Variants in ABCA3 observed in about 807,000 individuals in gnomAD.
ABCA3 encodes ATP binding cassette subfamily A member 3, also known as phospholipid-transporting ATPase ABCA3.
A neutral mutation model predicts 172.8 loss-of-function variants in ABCA3; 88 were observed. That is an observed-to-expected ratio of 0.51 (90% CI 0.43 to 0.61). The LOEUF is 0.61. Among genes scored for constraint, ABCA3 ranks in the 20% least tolerant of loss-of-function variants. The probability of loss-of-function intolerance (pLI) is 0.00; values close to 1 mark genes in which losing one functional copy is unlikely to be tolerated. For synonymous variants in ABCA3, 1,066 were observed against 983.8 expected (o/e 1.08, Z -1.56); for missense variants, 2,164 against 2,301.0 (o/e 0.94, Z 1.22).
intron 18 of ABCA3, among the ~76,000 whole-genome samples, chr16:2,293,836 G>A (rs2093675823): frequency 6.6e-6 from 1 of 151,918 alleles, no homozygotes; most frequent in Admixed American, 6.6e-5. Context: ...ACCGTGCCTG[G>A]CCATGTGGCT....
chr16:2,318,350 T>C (rs2093719992), intron 8 of ABCA3, among the ~76,000 whole-genome samples: 2 of 152,092 alleles, frequency 1.3e-5, no homozygotes, highest in Non-Finnish European at 2.9e-5. Context: ...GGCGTGGTGA[T>C]GAGGAAACCC....
In ABCA3 at chr16:2,297,324, C is replaced by A; in HGVS notation, c.2263+5G>T. On this transcript the variant is annotated splice_donor_5th_base_variant and intron_variant, in intron 17 of 32. Coordinates refer to ENST00000301732, the MANE Select transcript of ABCA3 (RefSeq NM_001089.3). This position sits in a 1 kb window ranked among gnomAD's most constrained non-coding sequence, Gnocchi z 5.6. The stretch of plus-strand genomic sequence containing the variant: ...ACCCTGTCGCGGGCTGGCCCCACCG[C>A]TCACCGTATTTCTGCTTGAGGAACA... 6.2e-7 allele frequency: 1 copy of A among 1,609,998 alleles called. No individual in the cohort carries two copies. Among genetic ancestry groups the A allele is most frequent in the Non-Finnish European group, 8.5e-7 (1 of 1,179,946 alleles).
Position 2,277,588 on chromosome 16 carries a change from C to T in ABCA3, c.4983+9G>A. On this transcript the variant is annotated intron_variant, in intron 32 of 32. Transcript: ENST00000301732. The surrounding 1 kb of genome is among the most constrained non-coding windows in gnomAD (Gnocchi z 5.3). ...TGAGTGCCCAGTGGGGCCCCAGGGA[C>T]TGCCTCACCTTCGCCCAGCTGAGGT... is the stretch of plus-strand genomic sequence containing the variant. 6.2e-7 allele frequency: 1 copy of T among 1,612,952 alleles called. No homozygotes were observed. The highest frequency in any genetic ancestry group is 1.3e-5 in the African/African-American group (1 of 75,076).
rs750570163 is a variant in ABCA3, at chr16:2,288,075, A to G, written c.2955T>C (p.His985=). The change falls in exon 21 of 33, where the codon CAT becomes CAC. Residue 985 remains histidine, a synonymous_variant. Transcript: ENST00000301732. ...TSQLGQQLSE[H]LKDALQAEGQ... ...CCTCAGCCTGCAGTGCGTCTTTCAG[A>G]TGCTCTGACAGCTGCTGACCCAGCT... The G allele has an allele frequency of 6.2e-7, 1 of 1,613,042 alleles. No homozygotes were observed. Among genetic ancestry groups the G allele is most frequent in the Non-Finnish European group, 8.5e-7 (1 of 1,179,996 alleles).
chr16:2,309,406 G>A (rs1255680638), intron 10 of ABCA3, among the ~76,000 whole-genome samples: 2 of 152,224 alleles, frequency 1.3e-5, no homozygotes, highest in African/African-American at 4.8e-5. Context: ...GAATATAGCG[G>A]GGAGACAGAG....
intron 1 of ABCA3, among the ~76,000 whole-genome samples, chr16:2,330,692 C>G (rs1323421770): frequency 8.1e-6 from 1 of 123,770 alleles, no homozygotes; most frequent in Non-Finnish European, 1.6e-5. Context: ...TCTGGCAACA[C>G]CACCCTTTTT....
At chr16:2,316,674 C>T (rs1035576217) in intron 10 of ABCA3, among the ~76,000 whole-genome samples, 16 of 148,964 alleles carry the variant, frequency 1.1e-4, no homozygotes, top group Non-Finnish European at 2.2e-4. Flanking sequence ...CAAGACTGCT[C>T]GAAAAAAAAA....
At chr16:2,280,936 T>G in intron 28 of ABCA3, 91 bp downstream of exon 28, 3 of 1,530,852 alleles carry the variant, frequency 2.0e-6, no homozygotes, top group Middle Eastern at 1.7e-4. Flanking sequence ...CAGCAGCTGT[T>G]TGGGGACAGC....
At chr16:2,301,111 G>A (rs1360940344) in intron 12 of ABCA3, among the ~76,000 whole-genome samples, 1 of 151,440 alleles carries the variant, frequency 6.6e-6, no homozygotes, top group Non-Finnish European at 1.5e-5. Context: ...GGCGCCTATA[G>A]TCCCAGCTAC....
At chr16:2,305,560 G>A (rs1466825572) in intron 11 of ABCA3, among the ~76,000 whole-genome samples, 3 of 152,156 alleles carry the variant, frequency 2.0e-5, no homozygotes, top group African/African-American at 4.8e-5. Context: ...CTCCCAAAGT[G>A]CTGAGATTAC....
At chr16:2,308,650 C>G in intron 10 of ABCA3, 27 bp from the exon 11 acceptor site, 1 of 1,612,670 alleles carries the variant, frequency 6.2e-7, no homozygotes, top group Non-Finnish European at 8.5e-7. Context: ...ACCCGGGGGG[C>G]GTGAGCGTCA....
intron 11 of ABCA3, among the ~76,000 whole-genome samples, chr16:2,305,584 C>T (rs1046059884): frequency 2.0e-5 from 3 of 152,166 alleles, no homozygotes; most frequent in Admixed American, 1.3e-4. Flanking sequence ...CGTGAGCCAC[C>T]GCGCCCCGCC....
At chr16:2,318,968 T>C (rs75409156) in intron 8 of ABCA3, among the ~76,000 whole-genome samples, 1 of 151,480 alleles carries the variant, frequency 6.6e-6, no homozygotes, top group East Asian at 1.9e-4. Flanking sequence ...TTTTTTTTTT[T>C]CAGGATCATT....
Position 2,326,186 on chromosome 16 carries a change from G to C in ABCA3, c.143C>G (p.Ser48Trp), listed in dbSNP as rs763721411. ...GATGGTGGCGTTGGGCACATTTTCC[G>C]ACTGAATCTTCAAGCGGAGCCAGAT... is the stretch of plus-strand genomic sequence containing the variant. Reference protein sequence around the residue: ...ILIWLRLKIQSENVPNATIYP... With the variant: ...ILIWLRLKIQWENVPNATIYP... The change falls in exon 5 of 33, where the codon TCG (serine) becomes TGG (tryptophan). Residue 48 changes from serine (S) to tryptophan (W), a missense_variant. By Grantham distance (177) the Ser-to-Trp change is radical. This residue lies in a region of ABCA3 where 1,343 missense variants were observed against 1,369.6 expected (regional missense o/e 0.98). Transcript: ENST00000301732. 6.2e-7 allele frequency: 1 copy of C among 1,614,134 alleles called. No homozygotes were observed. Among genetic ancestry groups the C allele is most frequent in the South Asian group, 1.1e-5 (1 of 91,074 alleles).
At chr16:2,292,452 T>C (rs2093673524) in intron 18 of ABCA3, among the ~76,000 whole-genome samples, 3 of 151,572 alleles carry the variant, frequency 2.0e-5, no homozygotes, top group Admixed American at 2.0e-4. Context: ...CATAAAAAAT[T>C]AGCCACGTGT....
chr16:2,317,141 A>G, intron 10 of ABCA3, 142 bp downstream of exon 10: 1 of 1,274,100 alleles, frequency 7.8e-7, no homozygotes, highest in Non-Finnish European at 1.1e-6. Context: ...TCCTCCTTCC[A>G]GTCCAACCTT....
rs1315758702 is a variant in ABCA3 at position 2,286,442 on chromosome 16, G to A, written c.3278+252C>T. Among the ~76,000 whole-genome samples, 1 of 152,230 alleles carries A rather than the reference G, an allele frequency of 6.6e-6. No homozygotes were observed. The highest frequency in any genetic ancestry group is 2.4e-5 in the African/African-American group (1 of 41,454). ...GAGCCAGGTAGATTTAGGAGGAGAA[G>A]GCAGGGCTGCCTGCCGAGCCTTCAT... On this transcript the variant is annotated intron_variant, in intron 22 of 32. Coordinates refer to ENST00000301732, the MANE Select transcript of ABCA3 (RefSeq NM_001089.3). This position sits in a 1 kb window ranked among gnomAD's most constrained non-coding sequence, Gnocchi z 5.2.
At position 2,284,507 on chromosome 16, in the gene ABCA3, CA is replaced by C; in HGVS notation, c.3704-71del. On this transcript the variant is annotated intron_variant, in intron 24 of 32. Transcript: ENST00000301732. The surrounding 1 kb of genome is among the most constrained non-coding windows in gnomAD (Gnocchi z 5.9). Reference sequence around the variant, plus strand: ...CACCCACCTCCAGGACGGGCCTGGTCAGGGCGGGCACAGGGCCTTATCCGTG... The same window carrying C: ...CACCCACCTCCAGGACGGGCCTGGTCGGGCGGGCACAGGGCCTTATCCGTG... 6.3e-7 allele frequency: 1 copy of C among 1,592,834 alleles called. No homozygotes were observed. The highest frequency in any genetic ancestry group is 8.6e-7 in the Non-Finnish European group (1 of 1,162,874).
chr16:2,285,019 G>A lies in ABCA3; in HGVS notation c.3484-21C>T, dbSNP rs368408455. 66 of 1,608,084 alleles carry A rather than the reference G, an allele frequency of 4.1e-5. No homozygotes were observed. The highest frequency in any genetic ancestry group is 4.2e-5 in the Non-Finnish European group (49 of 1,178,224). On this transcript the variant is annotated intron_variant, in intron 23 of 32. Coordinates refer to ENST00000301732, the MANE Select transcript of ABCA3 (RefSeq NM_001089.3). The surrounding 1 kb of genome is among the most constrained non-coding windows in gnomAD (Gnocchi z 4.7). Reference sequence around the variant, plus strand: ...ACCACCTGCGGCGGCACAGGGAGGCGCTGCTGTGCATGCCAAGCTGAGAGG... The same window carrying A: ...ACCACCTGCGGCGGCACAGGGAGGCACTGCTGTGCATGCCAAGCTGAGAGG...
Sources: allele counts gnomAD v4.1 joint callset (sites outside exome capture counted in the v4.1 genomes callset), GRCh38; gene constraint gnomAD v4.1.1; regional missense constraint gnomAD v4.1.1; non-coding constraint Gnocchi (gnomAD v3.1); transcripts MANE v1.5; gene names NCBI Gene and HGNC (gene_info 2026-07-23, HGNC 2026-07-21).